GNAS-AS1: variants seen among roughly 807,000 people sequenced by gnomAD.
GNAS-AS1 encodes the protein GNAS antisense RNA 1, also known as GNAS antisense RNA 1 (non-protein coding).
chr20:58,825,912 A>G (rs535103705), intron 4 of GNAS-AS1: 4 of 394,892 alleles, frequency 1.0e-5, no homozygotes, highest in Non-Finnish European at 1.8e-5. Flanking sequence ...CTGCTGCTGC[A>G]CAAAGCCACG....
intron 1 of GNAS-AS1, chr20:58,850,503 G>A (rs2086116346): frequency 5.0e-6 from 2 of 398,518 alleles, no homozygotes; most frequent in Admixed American, 8.8e-5. Context: ...CAGCCTCCCT[G>A]GGGCTCCAAC....
chr20:58,848,169 T>C (rs2086007529), intron 2 of GNAS-AS1, among the ~76,000 whole-genome samples: 2 of 152,250 alleles, frequency 1.3e-5, no homozygotes, highest in African/African-American at 2.4e-5. Context: ...CCTTTCTTAG[T>C]ACATCAAGTG....
chr20:58,841,376 C>T lies in GNAS-AS1; in HGVS notation n.819+561G>A. Reference sequence around the variant, plus strand: ...GCTGTAGAGACACCGTTGAAATGTGCGGAAAGTAATCTGAATGGGAATGGG... The same window carrying T: ...GCTGTAGAGACACCGTTGAAATGTGTGGAAAGTAATCTGAATGGGAATGGG... On this transcript the variant is annotated intron_variant and non_coding_transcript_variant, in intron 4 of 4. Transcript: ENST00000424094. This position sits in a 1 kb window ranked among gnomAD's most constrained non-coding sequence, Gnocchi z 5.0. The T allele has an allele frequency of 9.8e-7, 1 of 1,016,260 alleles. No individual in the cohort carries two copies. The highest frequency in any genetic ancestry group is 1.2e-6 in the Non-Finnish European group (1 of 848,546). The allele number at this position is 1,016,260 out of a possible 1,614,324, so 63.0% of individuals were successfully genotyped here.
chr20:58,843,314 CCCCCGAGGAAAG>C (rs2145488660), intron 2 of GNAS-AS1: 1 of 151,994 alleles, frequency 6.6e-6, no homozygotes, highest in East Asian at 1.9e-4. Flanking sequence ...GCTATACCAA[CCCCCGAGGAAAG>C]CACCTATGGC....
chr20:58,828,711 G>A (rs1009110445), intron 4 of GNAS-AS1, among the ~76,000 whole-genome samples: 76 of 152,176 alleles, frequency 5.0e-4, no homozygotes, highest in African/African-American at 1.6e-3. Flanking sequence ...CACTGTGCCC[G>A]AGACCTAGAA....
At chr20:58,828,287 G>A (rs905170743) in intron 4 of GNAS-AS1, among the ~76,000 whole-genome samples, 6 of 152,210 alleles carry the variant, frequency 3.9e-5, no homozygotes, top group Admixed American at 2.6e-4. Flanking sequence ...TAAGGAGCTG[G>A]AGGAATGTCA....
chr20:58,841,602 G>C lies in GNAS-AS1; in HGVS notation n.819+335C>G, dbSNP rs2085730920. ...CGGGACAGAGACCGCCTCAAAGAGC[G>C]TGCGCACCTGCCCGCGCGCGCCGGA... On this transcript the variant is annotated intron_variant and non_coding_transcript_variant, in intron 4 of 4. Coordinates refer to ENST00000424094, the Ensembl canonical transcript of GNAS-AS1. The surrounding 1 kb of genome is among the most constrained non-coding windows in gnomAD (Gnocchi z 5.0). The C allele has an allele frequency of 1.2e-5, 12 of 1,029,750 alleles. No homozygotes were observed. The highest frequency in any genetic ancestry group is 1.4e-5 in the Non-Finnish European group (12 of 859,220). 63.8% of individuals were successfully genotyped at this position (1,029,750 alleles called of 1,614,324 possible).
At chr20:58,846,777 G>A (rs2085956096) in intron 2 of GNAS-AS1, among the ~76,000 whole-genome samples, 1 of 152,178 alleles carries the variant, frequency 6.6e-6, no homozygotes, top group Non-Finnish European at 1.5e-5. Context: ...GGTAATTGAG[G>A]TTGTTCTAGA....
chr20:58,819,398 C>T (rs1239300195), intron 4 of GNAS-AS1: 9 of 397,210 alleles, frequency 2.3e-5, no homozygotes, highest in Non-Finnish European at 3.5e-5. Flanking sequence ...TTGCTTCCAA[C>T]GGCCAGAACG....
chr20:58,832,654 A>C (rs927788183), intron 4 of GNAS-AS1, among the ~76,000 whole-genome samples: 2 of 152,190 alleles, frequency 1.3e-5, no homozygotes, highest in African/African-American at 4.8e-5. Flanking sequence ...AACCACTAGC[A>C]ATTAAAACTA....
chr20:58,826,007 G>A (rs1279499979), intron 4 of GNAS-AS1: 2 of 398,450 alleles, frequency 5.0e-6, no homozygotes, highest in African/African-American at 4.1e-5. Flanking sequence ...TTTCTCCTGA[G>A]CTTGCTCTTT....
intron 1 of GNAS-AS1, among the ~76,000 whole-genome samples, chr20:58,850,152 C>T (rs546265934): frequency 2.0e-5 from 3 of 152,262 alleles, no homozygotes; most frequent in South Asian, 4.1e-4. Flanking sequence ...CTATTCATAG[C>T]CAAGGCGTCT....
rs756711953 is a variant in GNAS-AS1, at chr20:58,840,312, A to T, written n.819+1625T>A. On this transcript the variant is annotated intron_variant and non_coding_transcript_variant, in intron 4 of 4. Transcript: ENST00000424094. The surrounding 1 kb of genome is among the most constrained non-coding windows in gnomAD (Gnocchi z 6.0). ...CGCCGGAGCTTCCTTAACGCCCACC[A>T]CCGCTCCGGCGCCCAGGTATTCCCT... 3.3e-5 allele frequency: 54 copies of T among 1,612,118 alleles called. No individual in the cohort carries two copies. The Admixed American group carries it at 8.5e-4, about 25-fold the overall frequency.
intron 4 of GNAS-AS1, among the ~76,000 whole-genome samples, chr20:58,828,627 A>G (rs1378957695): frequency 6.6e-6 from 1 of 152,226 alleles, no homozygotes; most frequent in African/African-American, 2.4e-5. Context: ...CTTTGGTTGG[A>G]AACTCAATTT....
chr20:58,835,889 A>G (rs552645510), intron 4 of GNAS-AS1, among the ~76,000 whole-genome samples: 1 of 152,220 alleles, frequency 6.6e-6, no homozygotes, highest in Admixed American at 6.5e-5. Context: ...CTTTGCTTCA[A>G]CAAGTGATGA....
intron 4 of GNAS-AS1, among the ~76,000 whole-genome samples, chr20:58,825,745 T>A (rs901160129): frequency 1.3e-5 from 2 of 152,198 alleles, no homozygotes. Context: ...TTAACTGTAG[T>A]CTCTGCCAAC....
rs1380164763 is a variant in GNAS-AS1 at position 58,840,828 on chromosome 20, C to G, written n.819+1109G>C. 1.2e-6 allele frequency: 2 copies of G among 1,612,906 alleles called. No individual in the cohort carries two copies. Reference sequence around the variant, plus strand: ...TCCCCTTCCAAAAAGGGACCCATCCCCATCCGGCGTCACTAATGGAGGACG... The same window carrying G: ...TCCCCTTCCAAAAAGGGACCCATCCGCATCCGGCGTCACTAATGGAGGACG... On this transcript the variant is annotated intron_variant and non_coding_transcript_variant, in intron 4 of 4. Coordinates refer to ENST00000424094, the Ensembl canonical transcript of GNAS-AS1. This position sits in a 1 kb window ranked among gnomAD's most constrained non-coding sequence, Gnocchi z 6.0.
intron 4 of GNAS-AS1, among the ~76,000 whole-genome samples, chr20:58,835,013 A>T: frequency 6.6e-6 from 1 of 152,072 alleles, no homozygotes; most frequent in Non-Finnish European, 1.5e-5. Context: ...ATATCAGCGC[A>T]GTCTGAATAG....
At chr20:58,839,152 C>T (rs1407220429) in intron 4 of GNAS-AS1, 1 of 398,426 alleles carries the variant, frequency 2.5e-6, no homozygotes, top group African/African-American at 2.1e-5. Context: ...TTGCAAACTA[C>T]TACCTCAACC....
Sources: gnomAD v4.1 joint callset for allele counts (sites outside exome capture counted in the v4.1 genomes callset) on GRCh38, gnomAD v4.1.1 for gene constraint, Gnocchi (gnomAD v3.1) non-coding constraint, MANE v1.5 for transcripts, NCBI Gene and HGNC (gene_info 2026-07-23, HGNC 2026-07-21) for gene names.